Variants in KIAA1217 observed in about 807,000 individuals in gnomAD.
KIAA1217 encodes KIAA1217.
In KIAA1217, 88 loss-of-function variants were observed where a neutral mutation model predicts 163.9. The ratio of observed to expected loss-of-function variants is 0.54; its 90% confidence interval spans 0.45 to 0.64. The LOEUF is 0.64. Ranked by LOEUF, KIAA1217 falls within the 30% of genes least tolerant of loss-of-function variation. KIAA1217 has a pLI of 0.00. For missense variants in KIAA1217, 2,372 were observed against 2,475.0 expected, an observed-to-expected ratio of 0.96 and a Z score of 0.88; for synonymous variants, 903 against 923.1, an observed-to-expected ratio of 0.98 and a Z score of 0.39.
chr10:23,965,058 A>T (rs557408231), intron 1 of KIAA1217, among the ~76,000 whole-genome samples: 1 of 152,340 alleles, frequency 6.6e-6, no homozygotes, highest in African/African-American at 2.4e-5. Flanking sequence ...AGTCACACAA[A>T]CTATCACTGT....
intron 5 of KIAA1217, among the ~76,000 whole-genome samples, chr10:24,454,459 C>T (rs187478744): frequency 6.6e-6 from 1 of 152,284 alleles, no homozygotes; most frequent in East Asian, 1.9e-4. Context: ...TTCACGCACC[C>T]TTGATAGAGT....
At chr10:23,733,622 G>T (rs200549614) in intron 1 of KIAA1217, among the ~76,000 whole-genome samples, 19 of 92,388 alleles carry the variant, frequency 2.1e-4, no homozygotes, top group East Asian at 1.9e-3. Flanking sequence ...TTGTTGTTAT[G>T]TTTTTTTTTC....
intron 2 of KIAA1217, among the ~76,000 whole-genome samples, chr10:24,294,119 C>A (rs1381423607): frequency 1.6e-5 from 2 of 122,274 alleles, no homozygotes. Context: ...ACCTGGGAGG[C>A]GGAGCTTGCA....
At chr10:23,973,661 A>G (rs1009870870) in intron 1 of KIAA1217, among the ~76,000 whole-genome samples, 3 of 152,240 alleles carry the variant, frequency 2.0e-5, no homozygotes, top group Non-Finnish European at 2.9e-5. Context: ...ACTTCAAACA[A>G]GCACTGTGTT....
intron 1 of KIAA1217, among the ~76,000 whole-genome samples, chr10:23,886,038 C>A (rs549778867): frequency 6.6e-6 from 1 of 151,870 alleles, no homozygotes; most frequent in South Asian, 2.1e-4. Flanking sequence ...AACGTACTTA[C>A]GCGTATTTCC....
At chr10:24,007,485 T>A (rs1847053075) in intron 2 of KIAA1217, 1 of 152,220 alleles carries the variant, frequency 6.6e-6, no homozygotes, top group Non-Finnish European at 1.5e-5. Context: ...TCATTCCCTC[T>A]CTGAGCTCAG....
rs140819336 is a variant in KIAA1217, at chr10:24,533,195, GGAA to G, written c.3386_3388del (p.Glu1129del). 9,401 of 1,609,042 alleles carry G rather than the reference GGAA, an allele frequency of 5.8e-3. 50 individuals carry two copies. Among genetic ancestry groups the G allele is most frequent in the Non-Finnish European group, 6.9e-3 (8,104 of 1,177,174 alleles). On this transcript the variant is annotated inframe_deletion, in exon 16 of 21. Coordinates refer to ENST00000376454, the MANE Select transcript of KIAA1217 (RefSeq NM_019590.5). ...CCACCTCCTCCTCAAAGGATGAGGA[GGAA>G]GAAGAAGAAGAAGGAGACAAAATAA... is the stretch of plus-strand genomic sequence containing the variant.
intron 5 of KIAA1217, among the ~76,000 whole-genome samples, chr10:24,459,361 T>C (rs149459410): frequency 1.3e-5 from 2 of 152,238 alleles, no homozygotes; most frequent in African/African-American, 4.8e-5. Context: ...ACTACCAGAG[T>C]ATTTGTCTGT....
At chr10:23,728,012 G>A (rs1274433787) in intron 1 of KIAA1217, among the ~76,000 whole-genome samples, 3 of 152,160 alleles carry the variant, frequency 2.0e-5, no homozygotes, top group Non-Finnish European at 4.4e-5. Context: ...ACTCCATGTT[G>A]TATATGTGCC....
chr10:24,157,877 T>C, intron 2 of KIAA1217: 1 of 624,386 alleles, frequency 1.6e-6, no homozygotes, highest in Non-Finnish European at 2.9e-6. Flanking sequence ...TGCATTAGGA[T>C]CTGAACCAAT....
At chr10:23,723,324 C>T (rs1837965348) in intron 1 of KIAA1217, among the ~76,000 whole-genome samples, 1 of 152,012 alleles carries the variant, frequency 6.6e-6, no homozygotes, top group Non-Finnish European at 1.5e-5. Context: ...GCTGCTCCTT[C>T]TGGTTTCTAT....
At chr10:24,391,215 C>G (rs2054883221) in intron 3 of KIAA1217, among the ~76,000 whole-genome samples, 1 of 152,042 alleles carries the variant, frequency 6.6e-6, no homozygotes, top group African/African-American at 2.4e-5. Flanking sequence ...GGTGTCAACC[C>G]TCAGGCACCA....
At chr10:24,484,147 ATATATGTATATGTGTGTG>A (rs1424707888) in intron 6 of KIAA1217, among the ~76,000 whole-genome samples, 1 of 146,644 alleles carries the variant, frequency 6.8e-6, no homozygotes, top group Non-Finnish European at 1.5e-5. Context: ...ATATATATGT[ATATATGTATATGTGTGTG>A]TATATATATA....
intron 1 of KIAA1217, among the ~76,000 whole-genome samples, chr10:23,854,779 T>A (rs1248271689): frequency 6.6e-6 from 1 of 152,208 alleles, no homozygotes; most frequent in Non-Finnish European, 1.5e-5. Flanking sequence ...TGGCCTTCTT[T>A]GTCTCTTTTG....
intron 2 of KIAA1217, among the ~76,000 whole-genome samples, chr10:24,365,797 C>T (rs963419879): frequency 3.9e-5 from 6 of 151,976 alleles, no homozygotes; most frequent in African/African-American, 7.2e-5. Flanking sequence ...TTTTGGCTTT[C>T]GAGTGTAGCC....
At chr10:24,382,983 G>A (rs1191630242) in intron 3 of KIAA1217, among the ~76,000 whole-genome samples, 1 of 151,904 alleles carries the variant, frequency 6.6e-6, no homozygotes, top group Admixed American at 6.6e-5. Flanking sequence ...GAGTAGATGG[G>A]ACTACAGGCA....
intron 2 of KIAA1217, among the ~76,000 whole-genome samples, chr10:24,249,391 A>G (rs1479506275): frequency 6.6e-6 from 1 of 152,202 alleles, no homozygotes; most frequent in Non-Finnish European, 1.5e-5. Flanking sequence ...AGAAAGCTAT[A>G]ATTTACGCAA....
chr10:24,346,966 T>C (rs750242745), intron 2 of KIAA1217, among the ~76,000 whole-genome samples: 1 of 152,190 alleles, frequency 6.6e-6, no homozygotes, highest in Non-Finnish European at 1.5e-5. Context: ...TGAAGATACT[T>C]CCTCATTAAA....
chr10:23,972,662 G>A (rs1011683762), intron 1 of KIAA1217, among the ~76,000 whole-genome samples: 6 of 151,804 alleles, frequency 4.0e-5, no homozygotes, highest in Non-Finnish European at 8.8e-5. Flanking sequence ...GCACACATAT[G>A]TTTATTGCAG....
Sources: allele counts gnomAD v4.1 joint callset (sites outside exome capture counted in the v4.1 genomes callset), GRCh38; gene constraint gnomAD v4.1.1; transcripts MANE v1.5; gene names NCBI Gene and HGNC (gene_info 2026-07-23, HGNC 2026-07-21).